The following AFF1 variants were observed in gnomAD, a reference collection of about 807,000 sequenced individuals.
AFF1 encodes AF4/FMR2 family member 1.
Under a neutral mutation model 121.7 loss-of-function variants are expected in AFF1, and 48 were observed. That is an observed-to-expected ratio of 0.39 (90% CI 0.31 to 0.50). The LOEUF (loss-of-function observed/expected upper bound fraction) is 0.50. Among genes scored for constraint, AFF1 ranks in the 20% least tolerant of loss-of-function variants. The pLI is 0.76. For synonymous variants in AFF1, 613 were observed against 563.0 expected (o/e 1.09, Z -1.26); for missense variants, 1,523 against 1,511.7 (o/e 1.01, Z -0.12).
At chr4:87,075,394 TTATA>T (rs548948754) in intron 4 of AFF1, among the ~76,000 whole-genome samples, 2 of 151,846 alleles carry the variant, frequency 1.3e-5, no homozygotes, top group Non-Finnish European at 2.9e-5. Context: ...ATTCAATATG[TTATA>T]TATATATCTC....
chr4:87,046,413 C>A, intron 3 of AFF1, 127 bp downstream of exon 3: 1 of 1,325,540 alleles, frequency 7.5e-7, no homozygotes, highest in Non-Finnish European at 1.0e-6. Flanking sequence ...CTTATTCTAA[C>A]TTATTCTAGA....
intron 2 of AFF1, among the ~76,000 whole-genome samples, chr4:87,009,078 C>T (rs780442092): frequency 1.3e-5 from 2 of 152,192 alleles, no homozygotes; most frequent in African/African-American, 2.4e-5. Flanking sequence ...AATGCCAGCG[C>T]TCTTAAACTA....
At chr4:87,025,867 C>T (rs144740801) in intron 2 of AFF1, among the ~76,000 whole-genome samples, 3 of 152,238 alleles carry the variant, frequency 2.0e-5, no homozygotes, top group South Asian at 2.1e-4. Context: ...CATGCTGGCC[C>T]CAGGTGTCAG....
rs948210670 is a variant in AFF1 at position 87,008,659 on chromosome 4, A to G, written c.39-37507A>G. On this transcript the variant is annotated intron_variant, in intron 2 of 20. Coordinates refer to ENST00000395146, the MANE Select transcript of AFF1 (RefSeq NM_001166693.3). ...TAAGTAGGACTAGAGATAAAACTAT[A>G]GTACCAGTCCTTGTGATGTTATCAC... 1.2e-4 allele frequency among the ~76,000 whole-genome samples: 18 copies of G among 148,926 alleles called. No individual in the cohort carries two copies. In the East Asian group the frequency reaches 3.0e-3, roughly 25 times the overall value.
At chr4:87,128,918 T>C (rs1728555084) in intron 16 of AFF1, among the ~76,000 whole-genome samples, 2 of 152,256 alleles carry the variant, frequency 1.3e-5, no homozygotes, top group South Asian at 4.1e-4. Context: ...TTTGGAGTTT[T>C]GGAAAGAGTA....
chr4:87,000,367 AC>A (rs1347066431), intron 2 of AFF1, among the ~76,000 whole-genome samples: 1 of 152,148 alleles, frequency 6.6e-6, no homozygotes, highest in Non-Finnish European at 1.5e-5. Context: ...GTTTTAGGAT[AC>A]CTCGGGTTGC....
At position 87,115,174 on chromosome 4, in the gene AFF1, C is replaced by T. The variant is rs1726972441; in HGVS notation, c.2341C>T (p.Pro781Ser). Residue 781 changes from proline to serine, a missense_variant, in exon 12 of 21, where the codon CCC becomes TCC. By Grantham distance (74) the Pro-to-Ser change is moderately conservative (BLOSUM62 -1). Around this residue, in one of 5 missense-constraint regions of AFF1, gnomAD observed 905 missense variants for 842.5 expected, o/e 1.07. Transcript: ENST00000395146. The part of the protein sequence containing the change: ...KITLDLLSRI[P>S]QPPGKGSRQR... The stretch of plus-strand genomic sequence containing the variant: ...CACCCTAGACCTGCTCTCTCGGATA[C>T]CCCAGCCTCCCGGGAAGGGGAGCCG... The T allele has an allele frequency of 6.2e-7, 1 of 1,614,184 alleles. No homozygotes were observed.
chr4:87,108,954 G>T (rs1560633158), intron 11 of AFF1, among the ~76,000 whole-genome samples: 1 of 152,130 alleles, frequency 6.6e-6, no homozygotes, highest in Non-Finnish European at 1.5e-5. Flanking sequence ...AAAATCTTAG[G>T]CACTAAATAA....
intron 12 of AFF1, among the ~76,000 whole-genome samples, chr4:87,115,933 T>C (rs898491508): frequency 2.6e-5 from 4 of 152,200 alleles, no homozygotes; most frequent in Non-Finnish European, 2.9e-5. Context: ...TCATTTATTC[T>C]TGTAACTGGC....
intron 2 of AFF1, among the ~76,000 whole-genome samples, chr4:86,980,285 A>G (rs140583281): frequency 4.6e-5 from 7 of 152,044 alleles, no homozygotes; most frequent in Non-Finnish European, 1.0e-4. Context: ...TACAAACTAT[A>G]TGTAATAGCA....
At position 87,047,584 on chromosome 4, in the gene AFF1, A is replaced by T; in HGVS notation, c.1049A>T (p.Gln350Leu). 6.2e-7 allele frequency: 1 copy of T among 1,614,176 alleles called. No homozygotes were observed. Among genetic ancestry groups the T allele is most frequent in the African/African-American group, 1.3e-5 (1 of 75,060 alleles). ...CTCACCAAACTGAAGATGCCTTCTC[A>T]GTCAGTTGAGGTGTGTGGAATTTCT... is the stretch of plus-strand genomic sequence containing the variant. ...AKLTKLKMPS[Q>L]SVEQTYSNEV... Residue 350 changes from glutamine to leucine, a missense_variant, in exon 4 of 21, where the codon CAG becomes CTG. Physicochemically the swap from Gln to Leu is moderately radical, Grantham distance 113. Around this residue, in one of 5 missense-constraint regions of AFF1, gnomAD observed 905 missense variants for 842.5 expected, o/e 1.07. Coordinates refer to ENST00000395146, the MANE Select transcript of AFF1 (RefSeq NM_001166693.3).
chr4:87,117,659 C>T (rs1460123001), intron 12 of AFF1, among the ~76,000 whole-genome samples: 1 of 152,142 alleles, frequency 6.6e-6, no homozygotes, highest in East Asian at 1.9e-4. Flanking sequence ...AAACAGAATT[C>T]CTGGCCTGAA....
chr4:87,097,337 C>G (rs342453), intron 8 of AFF1, among the ~76,000 whole-genome samples: 86,981 of 151,910 alleles, frequency 0.57, 25,235 homozygotes, highest in Middle Eastern at 0.69. Context: ...CTACGCCTGA[C>G]AGGTAGCCTC....
intron 2 of AFF1, among the ~76,000 whole-genome samples, chr4:86,985,902 A>C (rs1338895203): frequency 1.4e-5 from 2 of 144,422 alleles, no homozygotes; most frequent in Non-Finnish European, 3.1e-5. Flanking sequence ...ATCATTTTGC[A>C]TCCTCTCTCT....
chr4:87,091,930 C>G (rs1439246585), intron 7 of AFF1, 101 bp downstream of exon 7: 1 of 766,716 alleles, frequency 1.3e-6, no homozygotes, highest in East Asian at 2.9e-5. Context: ...AGAGATGAGG[C>G]CTTCCTATGT....
chr4:87,068,256 T>TTC (rs1160547119), intron 4 of AFF1, among the ~76,000 whole-genome samples: 5 of 50,614 alleles, frequency 9.9e-5, no homozygotes, highest in East Asian at 6.0e-4. Flanking sequence ...GCATGAAAAT[T>TTC]GCCCCCCCCC....
chr4:86,978,124 A>G (rs1285805813), intron 2 of AFF1, among the ~76,000 whole-genome samples: 1 of 145,866 alleles, frequency 6.9e-6, no homozygotes, highest in Non-Finnish European at 1.5e-5. Flanking sequence ...GAATTTTTTT[A>G]AAATGATGTC....
intron 4 of AFF1, among the ~76,000 whole-genome samples, chr4:87,081,593 A>G (rs1202147816): frequency 6.6e-6 from 1 of 152,222 alleles, no homozygotes; most frequent in Non-Finnish European, 1.5e-5. Flanking sequence ...AGCTAGATGC[A>G]TGTTGTTTGC....
chr4:87,126,887 T>A, intron 14 of AFF1, 139 bp from the exon 15 acceptor site: 1 of 706,412 alleles, frequency 1.4e-6, no homozygotes, highest in Non-Finnish European at 2.4e-6. Flanking sequence ...GAGGAAGTGT[T>A]TAGCCAGGGT....
Sources: gnomAD v4.1 joint callset for allele counts (sites outside exome capture counted in the v4.1 genomes callset) on GRCh38, gnomAD v4.1.1 for gene constraint, gnomAD v4.1.1 regional missense constraint, MANE v1.5 for transcripts, NCBI Gene and HGNC (gene_info 2026-07-23, HGNC 2026-07-21) for gene names.